Variants in PIK3CB observed in about 807,000 individuals in gnomAD.
PIK3CB encodes the protein phosphatidylinositol-4,5-bisphosphate 3-kinase catalytic subunit beta, also known as phosphatidylinositol 4,5-bisphosphate 3-kinase catalytic subunit beta isoform.
PIK3CB carries 39 observed loss-of-function variants against 136.8 expected under a neutral mutation model. The observed-to-expected ratio is 0.29, with a 90% CI of 0.22 to 0.37. PIK3CB has a LOEUF of 0.37. Ranked by LOEUF, PIK3CB falls within the 10% of genes least tolerant of loss-of-function variation. The probability of loss-of-function intolerance (pLI) is 1.00; values close to 1 mark genes in which losing one functional copy is unlikely to be tolerated. For missense variants in PIK3CB, 868 were observed against 1,275.4 expected (o/e 0.68, Z 4.87); for synonymous variants, 428 against 436.6 (o/e 0.98, Z 0.25).
At chr3:138,807,108 A>G (rs1457919704) in intron 1 of PIK3CB, among the ~76,000 whole-genome samples, 2 of 152,220 alleles carry the variant, frequency 1.3e-5, no homozygotes, top group Non-Finnish European at 2.9e-5. Context: ...AATACAGGAT[A>G]TGAACCAAAT....
At chr3:138,697,595 G>A (rs1359655649) in intron 13 of PIK3CB, among the ~76,000 whole-genome samples, 3 of 152,056 alleles carry the variant, frequency 2.0e-5, no homozygotes, top group African/African-American at 7.2e-5. Context: ...ACCATGTCTG[G>A]TTAATTTTTG....
At chr3:138,740,391 T>C (rs1177589220) in intron 5 of PIK3CB, among the ~76,000 whole-genome samples, 1 of 152,096 alleles carries the variant, frequency 6.6e-6, no homozygotes, top group Non-Finnish European at 1.5e-5. Context: ...CAAAAAACCC[T>C]ACAATTGTGA....
rs773169491 is a variant in PIK3CB, at chr3:138,654,512, T to C, written c.*877A>G. ...CTTTTCATTTGCTTGCTTTCTTGGA[T>C]ACATTTGCTCAAGTATTATTCTCTA... On this transcript the variant is annotated 3_prime_UTR_variant, in exon 24 of 24. Transcript: ENST00000674063. 1.8e-5 allele frequency: 4 copies of C among 228,382 alleles called. No homozygotes were observed. The highest frequency in any genetic ancestry group is 1.8e-4 in the South Asian group (1 of 5,500). 14.1% of individuals were successfully genotyped at this position (228,382 alleles called of 1,614,324 possible). A position where few individuals can be genotyped will look rare whatever the true frequency, so the allele number is the denominator to read the frequency against.
intron 1 of PIK3CB, among the ~76,000 whole-genome samples, chr3:138,824,236 C>T (rs1424919978): frequency 2.0e-5 from 3 of 152,154 alleles, no homozygotes; most frequent in Non-Finnish European, 4.4e-5. Flanking sequence ...ATCAGGATCG[C>T]ATTTCCCTTG....
chr3:138,757,916 C>T (rs2045603118), intron 3 of PIK3CB, among the ~76,000 whole-genome samples: 1 of 152,102 alleles, frequency 6.6e-6, no homozygotes, highest in Non-Finnish European at 1.5e-5. Flanking sequence ...TAGGTATATA[C>T]CCAAAAGAAC....
intron 2 of PIK3CB, among the ~76,000 whole-genome samples, chr3:138,790,594 G>A (rs1175550604): frequency 6.6e-6 from 1 of 150,798 alleles, no homozygotes; most frequent in Admixed American, 6.6e-5. Context: ...CATGAGGTCA[G>A]GAGATTGAGA....
Position 138,657,838 on chromosome 3 carries a change from G to T in PIK3CB, c.2797-3C>A, listed in dbSNP as rs1214603154. ...TGTCCAAAGTCAATGTGGAAGAGCT[G>T]GAAAACAAATGGGATTTAATTTCCT... On this transcript the variant is annotated splice_polypyrimidine_tract_variant and splice_region_variant and intron_variant, in intron 21 of 23. Transcript: ENST00000674063. 1.2e-6 allele frequency: 2 copies of T among 1,601,632 alleles called. No individual in the cohort carries two copies. The highest frequency in any genetic ancestry group is 1.7e-4 in the Middle Eastern group (1 of 6,050).
intron 1 of PIK3CB, among the ~76,000 whole-genome samples, 164 bp downstream of exon 1, chr3:138,834,531 C>A (rs1033003068): frequency 6.6e-6 from 1 of 152,204 alleles, no homozygotes; most frequent in African/African-American, 2.4e-5. Flanking sequence ...AGGCGGTTAT[C>A]CTCCAAGCTG....
chr3:138,691,174 C>A (rs762595394), intron 14 of PIK3CB, 31 bp from the exon 15 acceptor site: 1 of 1,596,414 alleles, frequency 6.3e-7, no homozygotes, highest in Non-Finnish European at 8.5e-7. Context: ...AGTGAGTAAC[C>A]AAACAACCTG....
chr3:138,719,327 C>T (rs1344679307), intron 8 of PIK3CB, among the ~76,000 whole-genome samples: 2 of 140,370 alleles, frequency 1.4e-5, no homozygotes, highest in Non-Finnish European at 3.0e-5. Flanking sequence ...CTAACTGCAA[C>T]ATCCATCTCC....
At chr3:138,726,483 GT>G in intron 8 of PIK3CB, among the ~76,000 whole-genome samples, 1 of 152,250 alleles carries the variant, frequency 6.6e-6, no homozygotes, top group Non-Finnish European at 1.5e-5. Context: ...GGCTCTGCCT[GT>G]CCCCGCTTCT....
intron 8 of PIK3CB, among the ~76,000 whole-genome samples, chr3:138,716,265 C>T (rs1394735361): frequency 2.0e-5 from 3 of 152,164 alleles, no homozygotes; most frequent in Admixed American, 2.0e-4. Context: ...GTCCCCTGGT[C>T]CCATATTGCT....
intron 2 of PIK3CB, among the ~76,000 whole-genome samples, chr3:138,768,858 T>C (rs191939897): frequency 6.6e-6 from 1 of 152,236 alleles, no homozygotes; most frequent in East Asian, 1.9e-4. Context: ...GTGCCGACAA[T>C]AGGGAAAAGC....
chr3:138,830,951 TAAA>T (rs1175034762), intron 1 of PIK3CB, among the ~76,000 whole-genome samples: 79 of 138,106 alleles, frequency 5.7e-4, no homozygotes, highest in African/African-American at 1.8e-3. Context: ...ATAATAATAA[TAAA>T]GCAGGAACTC....
intron 4 of PIK3CB, among the ~76,000 whole-genome samples, chr3:138,748,803 C>T (rs1210631242): frequency 2.0e-5 from 3 of 152,068 alleles, no homozygotes; most frequent in African/African-American, 7.2e-5. Context: ...GACTCTATTG[C>T]TAGTGGTATT....
intron 4 of PIK3CB, among the ~76,000 whole-genome samples, chr3:138,755,415 G>T (rs559820238): frequency 6.6e-6 from 1 of 152,318 alleles, no homozygotes; most frequent in South Asian, 2.1e-4. Flanking sequence ...GCCAAGGTAG[G>T]AGGATCACTT....
intron 1 of PIK3CB, among the ~76,000 whole-genome samples, chr3:138,831,376 T>C (rs1382354629): frequency 2.2e-5 from 3 of 139,194 alleles, no homozygotes. Context: ...CCAGATCACC[T>C]GAGGTCAGGA....
At chr3:138,789,144 T>C (rs2046020376) in intron 2 of PIK3CB, among the ~76,000 whole-genome samples, 1 of 151,720 alleles carries the variant, frequency 6.6e-6, no homozygotes, top group Admixed American at 6.6e-5. Flanking sequence ...AATTAAAGCA[T>C]ATGGCAGGGC....
At chr3:138,693,180 G>A (rs528817030) in intron 14 of PIK3CB, among the ~76,000 whole-genome samples, 24 of 151,234 alleles carry the variant, frequency 1.6e-4, no homozygotes, top group African/African-American at 5.3e-4. Context: ...TGCAACCTCC[G>A]CCTCCAGGGC....
Sources: allele counts gnomAD v4.1 joint callset (sites outside exome capture counted in the v4.1 genomes callset), GRCh38; gene constraint gnomAD v4.1.1; transcripts MANE v1.5; gene names NCBI Gene and HGNC (gene_info 2026-07-23, HGNC 2026-07-21).